Variants in DNA2 observed in about 807,000 individuals in gnomAD.
DNA2 encodes the protein DNA replication helicase/nuclease 2.
In DNA2, 101 loss-of-function variants were observed where a neutral mutation model predicts 119.1. The ratio of observed to expected loss-of-function variants is 0.85; its 90% confidence interval spans 0.72 to 1.00. The LOEUF is 1.00. Ranked by LOEUF, DNA2 falls within the 50% of genes least tolerant of loss-of-function variation. The probability of loss-of-function intolerance (pLI) is 0.00; values close to 1 mark genes in which losing one functional copy is unlikely to be tolerated. For synonymous variants in DNA2, 366 were observed against 424.4 expected (o/e 0.86, Z 1.69); for missense variants, 1,121 against 1,255.5 (o/e 0.89, Z 1.62).
At chr10:68,454,613 C>T (rs2052160471) in intron 5 of DNA2, among the ~76,000 whole-genome samples, 1 of 151,946 alleles carries the variant, frequency 6.6e-6, no homozygotes, top group African/African-American at 2.4e-5. Flanking sequence ...TGAGACCAGC[C>T]TGGTCAGCAT....
chr10:68,441,970 C>G (rs1416707730), intron 9 of DNA2, among the ~76,000 whole-genome samples: 1 of 151,942 alleles, frequency 6.6e-6, no homozygotes, highest in Non-Finnish European at 1.5e-5. Context: ...CTCTATCACC[C>G]AGGCTGGAGT....
In DNA2 at chr10:68,419,157, C is replaced by A. The variant is rs770861654; in HGVS notation, c.2844G>T (p.Lys948Asn). The change falls in exon 19 of 21, where the codon AAG (lysine) becomes AAT (asparagine). Residue 948 changes from lysine (K) to asparagine (N), a missense_variant. Transcript: ENST00000358410. ...AACGTGCCAATAAATCATTGATGAT[C>A]TTTAATTGCTGCCTGTACGGTGCAA... Reference protein sequence around the residue: ...GIIAPYRQQLKIINDLLARSI... With the variant: ...GIIAPYRQQLNIINDLLARSI... 3 of 1,613,290 alleles carry A rather than the reference C, an allele frequency of 1.9e-6. No individual in the cohort carries two copies. The highest frequency in any genetic ancestry group is 2.5e-6 in the Non-Finnish European group (3 of 1,179,678).
chr10:68,442,547 C>A (rs868565692), intron 9 of DNA2, among the ~76,000 whole-genome samples: 4 of 151,832 alleles, frequency 2.6e-5, no homozygotes, highest in Non-Finnish European at 5.9e-5. Context: ...CCACCACGCC[C>A]AGCTAATTTT....
At chr10:68,435,920 C>T (rs1379112136) in intron 10 of DNA2, among the ~76,000 whole-genome samples, 1 of 152,140 alleles carries the variant, frequency 6.6e-6, no homozygotes, top group Non-Finnish European at 1.5e-5. Flanking sequence ...CACAGGGTGG[C>T]ATCTATGCTG....
intron 6 of DNA2, among the ~76,000 whole-genome samples, chr10:68,446,861 C>T (rs1040588730): frequency 1.3e-5 from 2 of 150,776 alleles, no homozygotes; most frequent in South Asian, 2.1e-4. Context: ...GAGGGTGGTG[C>T]GGGGGGAGAA....
chr10:68,443,937 C>G (rs535722544), intron 8 of DNA2, among the ~76,000 whole-genome samples: 90 of 149,178 alleles, frequency 6.0e-4, no homozygotes, highest in Admixed American at 8.0e-4. Context: ...GGCAACAAAG[C>G]AAGACTCTGT....
At chr10:68,472,263 C>T (rs983581767), upstream of DNA2, 8 of 1,090,396 alleles carry the variant, frequency 7.3e-6, no homozygotes, top group East Asian at 6.8e-5. Flanking sequence ...TGAACACAAC[C>T]TTTACACGCT....
intron 14 of DNA2, among the ~76,000 whole-genome samples, chr10:68,429,725 A>AG (rs1214993692): frequency 3.4e-5 from 5 of 148,572 alleles, no homozygotes; most frequent in African/African-American, 1.2e-4. Flanking sequence ...AAAAAAAAAA[A>AG]AAAAAAGAAA....
intron 20 of DNA2, 123 bp from the exon 21 acceptor site, chr10:68,415,230 G>T: frequency 1.7e-6 from 1 of 594,122 alleles, no homozygotes; most frequent in South Asian, 2.6e-5. Flanking sequence ...GATCTTTATG[G>T]CATTCAATGA....
intron 1 of DNA2, among the ~76,000 whole-genome samples, chr10:68,470,850 C>T (rs1370782018): frequency 6.6e-6 from 1 of 152,106 alleles, no homozygotes; most frequent in Non-Finnish European, 1.5e-5. Context: ...AAAGTAATGC[C>T]GGAAATCTTT....
rs76929966 is a variant in DNA2 at position 68,453,444 on chromosome 10, A to C, written c.720-3197T>G. 5.6e-3 allele frequency among the ~76,000 whole-genome samples: 848 copies of C among 151,994 alleles called. 13 individuals carry two copies. Among genetic ancestry groups the C allele is most frequent in the African/African-American group, 0.019 (795 of 41,528 alleles). ...GTTTCTAAGATACTGATCCTTTAAAATTTATTGGTGTTTCCCTTATGGCAT... is the reference window on the plus strand; with the variant it reads ...GTTTCTAAGATACTGATCCTTTAAACTTTATTGGTGTTTCCCTTATGGCAT... On this transcript the variant is annotated intron_variant, in intron 5 of 20. Coordinates refer to ENST00000358410, the MANE Select transcript of DNA2 (RefSeq NM_001080449.3).
At chr10:68,423,356 A>C (rs2051692287) in intron 14 of DNA2, among the ~76,000 whole-genome samples, 2 of 152,002 alleles carry the variant, frequency 1.3e-5, no homozygotes, top group Admixed American at 6.6e-5. Context: ...CTCAGGACCA[A>C]AGAAACAACA....
chr10:68,456,927 G>A (rs1171109075), intron 5 of DNA2, among the ~76,000 whole-genome samples: 1 of 151,718 alleles, frequency 6.6e-6, no homozygotes, highest in Non-Finnish European at 1.5e-5. Flanking sequence ...AAGGTCAGGA[G>A]ATCGAGACCA....
chr10:68,434,869 T>C (rs1437954980), intron 10 of DNA2, among the ~76,000 whole-genome samples: 1 of 152,164 alleles, frequency 6.6e-6, no homozygotes, highest in Non-Finnish European at 1.5e-5. Flanking sequence ...GGAACAAGCC[T>C]GGACATTTCC....
At position 68,432,241 on chromosome 10, in the gene DNA2, T is replaced by G; in HGVS notation, c.1838A>C (p.His613Pro). 6.2e-7 allele frequency: 1 copy of G among 1,606,678 alleles called. No homozygotes were observed. The highest frequency in any genetic ancestry group is 8.5e-7 in the Non-Finnish European group (1 of 1,176,936). The change falls in exon 12 of 21, where the codon CAT becomes CCT. Residue 613 changes from histidine to proline, a missense_variant. By Grantham distance (77) the His-to-Pro change is moderately conservative (BLOSUM62 -2). Coordinates refer to ENST00000358410, the MANE Select transcript of DNA2 (RefSeq NM_001080449.3). ...FISYLSSVLP[H>P]DAKDTVACIL... is the part of the protein sequence containing the mutation. Reference sequence around the variant, plus strand: ...GCAGGCAACTGTATCCTTTGCATCATGTGGAAGAACAGAACTAAGGTAGGA... The same window carrying G: ...GCAGGCAACTGTATCCTTTGCATCAGGTGGAAGAACAGAACTAAGGTAGGA...
intron 2 of DNA2, among the ~76,000 whole-genome samples, chr10:68,468,973 C>A (rs548484560): frequency 1.1e-4 from 17 of 151,720 alleles, no homozygotes; most frequent in South Asian, 4.2e-4. Flanking sequence ...TCGCTTGAAC[C>A]CAGGAAGCGG....
chr10:68,449,886 C>G, intron 6 of DNA2, 142 bp downstream of exon 6: 1 of 621,660 alleles, frequency 1.6e-6, no homozygotes, highest in Non-Finnish European at 2.8e-6. Context: ...GCACTCCAGC[C>G]TGGCATGAAC....
At chr10:68,447,036 T>A (rs2052048929) in intron 6 of DNA2, among the ~76,000 whole-genome samples, 1 of 152,144 alleles carries the variant, frequency 6.6e-6, no homozygotes, top group African/African-American at 2.4e-5. Context: ...AATAAATGTT[T>A]GAGGGGATGG....
At chr10:68,454,755 G>A (rs1367000807) in intron 5 of DNA2, among the ~76,000 whole-genome samples, 3 of 151,728 alleles carry the variant, frequency 2.0e-5, no homozygotes, top group Admixed American at 1.3e-4. Context: ...GTAGTGAGCC[G>A]AGATTGCGCC....
Sources: allele counts gnomAD v4.1 joint callset (sites outside exome capture counted in the v4.1 genomes callset), GRCh38; gene constraint gnomAD v4.1.1; transcripts MANE v1.5; gene names NCBI Gene and HGNC (gene_info 2026-07-23, HGNC 2026-07-21).